LRRFIP1: variants seen among roughly 807,000 people sequenced by gnomAD.
LRRFIP1 encodes the protein leucine-rich repeat flightless-interacting protein 1.
A neutral mutation model predicts 104.4 loss-of-function variants in LRRFIP1; 62 were observed. That is an observed-to-expected ratio of 0.59 (90% CI 0.48 to 0.73). LRRFIP1 has a LOEUF of 0.73. Ranked by LOEUF, LRRFIP1 falls within the 30% of genes least tolerant of loss-of-function variation. The pLI, the probability that LRRFIP1 is intolerant of heterozygous loss-of-function variation, is 0.00. For synonymous variants in LRRFIP1, 300 were observed against 299.0 expected (o/e 1.00, Z -0.03); for missense variants, 796 against 824.5 (o/e 0.97, Z 0.42).
intron 1 of LRRFIP1, chr2:237,692,224 G>A (rs1559556986): frequency 2.8e-5 from 31 of 1,097,832 alleles, no homozygotes; most frequent in Non-Finnish European, 3.4e-5. Context: ...CCCCGAGCCC[G>A]ACTCAGCCCG....
chr2:237,779,473 T>A lies in LRRFIP1; in HGVS notation c.1864T>A (p.Leu622Ile), dbSNP rs1043015514. 1 of 1,613,858 alleles carries A rather than the reference T, an allele frequency of 6.2e-7. No homozygotes were observed. Among genetic ancestry groups the A allele is most frequent in the Non-Finnish European group, 8.5e-7 (1 of 1,179,778 alleles). Reference sequence around the variant, plus strand: ...AGAGCTCGAGGTGAGCAACGGCCACTTAGTGAAGCGTCTGGAAAAAATGAA... The same window carrying A: ...AGAGCTCGAGGTGAGCAACGGCCACATAGTGAAGCGTCTGGAAAAAATGAA... ...TEELEVSNGHLVKRLEKMKAN... is the reference protein window; with the variant it reads ...TEELEVSNGHIVKRLEKMKAN... The change falls in exon 24 of 24, where the codon TTA (leucine) becomes ATA (isoleucine). Residue 622 changes from leucine (L) to isoleucine (I), a missense_variant. Transcript: ENST00000308482.
intron 8 of LRRFIP1, among the ~76,000 whole-genome samples, chr2:237,728,194 A>G (rs899504768): frequency 1.3e-5 from 2 of 152,202 alleles, no homozygotes; most frequent in African/African-American, 4.8e-5. Flanking sequence ...CAAGTTTTAA[A>G]AGATCTGAAA....
chr2:237,726,711 C>A (rs1334045426), intron 7 of LRRFIP1, among the ~76,000 whole-genome samples: 1 of 152,170 alleles, frequency 6.6e-6, no homozygotes, highest in African/African-American at 2.4e-5. Context: ...TCCATTTTTA[C>A]CAGTTGTGTA....
At chr2:237,660,774 T>C (rs1014911599) in intron 1 of LRRFIP1, among the ~76,000 whole-genome samples, 6 of 152,338 alleles carry the variant, frequency 3.9e-5, no homozygotes, top group East Asian at 1.9e-4. Flanking sequence ...CTAGATTGTT[T>C]AGCAAGAAAA....
rs2082302534 is a variant in LRRFIP1 at position 237,631,286 on chromosome 2, AGG to A, written c.96+3549_96+3550del. On this transcript the variant is annotated intron_variant, in intron 1 of 23. Transcript: ENST00000308482. The stretch of plus-strand genomic sequence containing the variant: ...ACGTGGGTTCCAGTTCGCTGGAGCG[AGG>A]GGAAGAGCTAGGCTGCCCTGTGCAG... Among the ~76,000 whole-genome samples the A allele has an allele frequency of 2.6e-5, 4 of 152,264 alleles. No individual in the cohort carries two copies. The East Asian group carries it at 7.7e-4, about 29-fold the overall frequency.
intron 19 of LRRFIP1, chr2:237,765,964 G>A: frequency 1.0e-6 from 1 of 965,064 alleles, no homozygotes; most frequent in Non-Finnish European, 1.2e-6. Context: ...TCTGACTACT[G>A]TTGTATGTAA....
intron 1 of LRRFIP1, among the ~76,000 whole-genome samples, chr2:237,637,969 C>T (rs2083336364): frequency 6.6e-6 from 1 of 152,120 alleles, no homozygotes; most frequent in Non-Finnish European, 1.5e-5. Context: ...ATGGCTCTAC[C>T]CTGTCTTCCC....
intron 1 of LRRFIP1, among the ~76,000 whole-genome samples, chr2:237,676,339 T>TA (rs2091158436): frequency 6.6e-6 from 1 of 152,192 alleles, no homozygotes; most frequent in Admixed American, 6.5e-5. Context: ...TCGTCCTTTT[T>TA]AAAAAATTAG....
intron 1 of LRRFIP1, among the ~76,000 whole-genome samples, chr2:237,707,819 A>G (rs888494106): frequency 6.6e-6 from 1 of 152,220 alleles, no homozygotes; most frequent in African/African-American, 2.4e-5. Context: ...GCTGAAAAAT[A>G]CTTATATGGA....
At chr2:237,685,680 A>T (rs1490377325) in intron 1 of LRRFIP1, among the ~76,000 whole-genome samples, 1 of 151,930 alleles carries the variant, frequency 6.6e-6, no homozygotes, top group Non-Finnish European at 1.5e-5. Context: ...CCCGCTCCCC[A>T]CACCCAGCCT....
intron 8 of LRRFIP1, among the ~76,000 whole-genome samples, chr2:237,730,544 T>C (rs1036112121): frequency 6.6e-6 from 1 of 152,066 alleles, no homozygotes; most frequent in African/African-American, 2.4e-5. Context: ...CGGAGACCAG[T>C]ACAGGAGTGA....
chr2:237,724,004 A>G (rs1317659767), intron 7 of LRRFIP1, among the ~76,000 whole-genome samples: 5 of 151,708 alleles, frequency 3.3e-5, no homozygotes. Flanking sequence ...TGAAAAATCC[A>G]TTATTTTCCA....
chr2:237,633,048 T>G (rs996289083), intron 1 of LRRFIP1, among the ~76,000 whole-genome samples: 2 of 152,200 alleles, frequency 1.3e-5, no homozygotes, highest in Non-Finnish European at 1.5e-5. Context: ...GCCCTGCCCC[T>G]TTGTTCCACA....
chr2:237,761,904 C>A (rs144825348), intron 19 of LRRFIP1, among the ~76,000 whole-genome samples: 15 of 152,278 alleles, frequency 9.9e-5, no homozygotes, highest in African/African-American at 2.9e-4. Flanking sequence ...AATAATTTAT[C>A]ATTTAATTTA....
chr2:237,696,271 A>G (rs1170972314), intron 1 of LRRFIP1, among the ~76,000 whole-genome samples: 2 of 152,042 alleles, frequency 1.3e-5, no homozygotes, highest in Non-Finnish European at 2.9e-5. Flanking sequence ...TGTCTTTTTT[A>G]CTGTATGTGG....
At chr2:237,639,244 G>A (rs1047983262) in intron 1 of LRRFIP1, among the ~76,000 whole-genome samples, 1 of 152,184 alleles carries the variant, frequency 6.6e-6, no homozygotes, top group East Asian at 1.9e-4. Flanking sequence ...AAAAATATAG[G>A]AAAGATGATC....
intron 19 of LRRFIP1, among the ~76,000 whole-genome samples, chr2:237,761,353 C>T (rs984037031): frequency 1.3e-5 from 2 of 152,186 alleles, no homozygotes; most frequent in Non-Finnish European, 2.9e-5. Flanking sequence ...AGCAAGATTC[C>T]GTCTCTAGAT....
chr2:237,754,274 C>G (rs1453643170), intron 15 of LRRFIP1, among the ~76,000 whole-genome samples: 1 of 152,152 alleles, frequency 6.6e-6, no homozygotes, highest in East Asian at 1.9e-4. Flanking sequence ...CACAGTTACT[C>G]TACTTAAGAA....
At chr2:237,650,975 G>A (rs570956883) in intron 1 of LRRFIP1, among the ~76,000 whole-genome samples, 5 of 152,282 alleles carry the variant, frequency 3.3e-5, no homozygotes, top group East Asian at 3.9e-4. Context: ...AATGCGTATC[G>A]GGTCACTCTG....
Sources: allele counts gnomAD v4.1 joint callset (sites outside exome capture counted in the v4.1 genomes callset), GRCh38; gene constraint gnomAD v4.1.1; transcripts MANE v1.5; gene names NCBI Gene and HGNC (gene_info 2026-07-23, HGNC 2026-07-21).